DNAJC2: variants seen among roughly 807,000 people sequenced by gnomAD.
DNAJC2 encodes the protein DnaJ heat shock protein family (Hsp40) member C2.
DNAJC2 carries 32 observed loss-of-function variants against 94.0 expected under a neutral mutation model. That is an observed-to-expected ratio of 0.34 (90% CI 0.26 to 0.46). The LOEUF (loss-of-function observed/expected upper bound fraction) is 0.46. Ranked by LOEUF, DNAJC2 falls within the 20% of genes least tolerant of loss-of-function variation. The pLI is 1.00. For missense variants in DNAJC2, 550 were observed against 719.5 expected (o/e 0.76, Z 2.69); for synonymous variants, 210 against 229.7 (o/e 0.91, Z 0.77).
At chr7:103,344,023 C>A (rs1819495905) in intron 1 of DNAJC2, among the ~76,000 whole-genome samples, 1 of 152,366 alleles carries the variant, frequency 6.6e-6, no homozygotes, top group East Asian at 1.9e-4. Flanking sequence ...ACAAGTTTCA[C>A]TTGTAATAAC....
chr7:103,342,709 A>G (rs1470298129), intron 1 of DNAJC2, among the ~76,000 whole-genome samples: 1 of 151,712 alleles, frequency 6.6e-6, no homozygotes, highest in African/African-American at 2.4e-5. Flanking sequence ...CCCGGGTTCA[A>G]GCGATTCTCC....
intron 2 of DNAJC2, among the ~76,000 whole-genome samples, chr7:103,338,264 T>C (rs1364560402): frequency 7.2e-6 from 1 of 138,492 alleles, no homozygotes; most frequent in East Asian, 2.0e-4. Flanking sequence ...AGCAAGACCC[T>C]GTCTTTTTTT....
At chr7:103,337,562 C>A (rs1819222467) in intron 3 of DNAJC2, 174 bp downstream of exon 3, 1 of 561,528 alleles carries the variant, frequency 1.8e-6, no homozygotes, top group Non-Finnish European at 3.1e-6. Context: ...GGATTGCTTT[C>A]TTCTGATTCT....
At chr7:103,338,621 G>A (rs1417090610) in intron 2 of DNAJC2, among the ~76,000 whole-genome samples, 1 of 151,858 alleles carries the variant, frequency 6.6e-6, no homozygotes, top group African/African-American at 2.4e-5. Context: ...TTAAAAAAAA[G>A]AAGAGACAGG....
chr7:103,321,835 G>C (rs1042787668), intron 10 of DNAJC2, 97 bp downstream of exon 10: 2 of 1,399,870 alleles, frequency 1.4e-6, no homozygotes, highest in Non-Finnish European at 2.0e-6. Flanking sequence ...GCGACAGAGC[G>C]AGACCCCATC....
chr7:103,333,791 C>T (rs923123658), intron 3 of DNAJC2, among the ~76,000 whole-genome samples: 1 of 152,138 alleles, frequency 6.6e-6, no homozygotes, highest in Non-Finnish European at 1.5e-5. Context: ...GTTTGAGATT[C>T]ATCCATGTTT....
At chr7:103,338,983 T>G (rs1819281028) in intron 2 of DNAJC2, among the ~76,000 whole-genome samples, 1 of 152,134 alleles carries the variant, frequency 6.6e-6, no homozygotes, top group Non-Finnish European at 1.5e-5. Context: ...CTTGATGATT[T>G]GTATGCACAA....
At position 103,321,867 on chromosome 7, in the gene DNAJC2, G is replaced by C. The variant is rs76053201; in HGVS notation, c.1083+65C>G. On this transcript the variant is annotated intron_variant, in intron 10 of 16. Transcript: ENST00000379263. ...CATCTAAAAAACAAACAAACAAAAA[G>C]AAGTATTTTTGCTTAATAAGCAACT... The C allele has an allele frequency of 5.0e-3, 7,609 of 1,523,974 alleles. 315 individuals carry two copies. The African/African-American group carries it at 0.089, about 18-fold the overall frequency. 94.4% of individuals were successfully genotyped at this position (1,523,974 alleles called of 1,614,324 possible). A position where few individuals can be genotyped will look rare whatever the true frequency, so the allele number is the denominator to read the frequency against.
chr7:103,317,091 T>C, intron 12 of DNAJC2, 77 bp from the exon 13 acceptor site: 1 of 1,296,040 alleles, frequency 7.7e-7, no homozygotes, highest in Admixed American at 2.0e-5. Context: ...GCTAGGGCTT[T>C]GTGGTCCTCA....
intron 5 of DNAJC2, among the ~76,000 whole-genome samples, chr7:103,326,081 C>G (rs916390404): frequency 6.6e-6 from 1 of 152,034 alleles, no homozygotes; most frequent in Non-Finnish European, 1.5e-5. Flanking sequence ...TGGGTTCAAG[C>G]AAAACTCCCG....
At chr7:103,325,255 C>T (rs1201759716) in intron 5 of DNAJC2, among the ~76,000 whole-genome samples, 1 of 152,102 alleles carries the variant, frequency 6.6e-6, no homozygotes, top group Non-Finnish European at 1.5e-5. Context: ...ACCAGTCTGG[C>T]CAATATGGTG....
At chr7:103,322,859 AT>A in intron 7 of DNAJC2, 65 bp from the exon 8 acceptor site, 2 of 1,204,654 alleles carry the variant, frequency 1.7e-6, no homozygotes, top group Non-Finnish European at 2.4e-6. Flanking sequence ...AAAATGCAAT[AT>A]TTTATAAAAT....
chr7:103,328,070 G>A (rs753362093), intron 3 of DNAJC2, among the ~76,000 whole-genome samples: 25 of 151,856 alleles, frequency 1.6e-4, no homozygotes, highest in Non-Finnish European at 3.5e-4. Flanking sequence ...ACAGGTGCCC[G>A]CCACCATGCC....
chr7:103,332,008 T>G (rs1408742313), intron 3 of DNAJC2, among the ~76,000 whole-genome samples: 1 of 2,132 alleles, frequency 4.7e-4, no homozygotes, highest in Middle Eastern at 0.17. Flanking sequence ...AAATTTGCTA[T>G]TTTTTTTTTT....
chr7:103,322,379 G>A (rs1339127426), intron 9 of DNAJC2, 132 bp downstream of exon 9: 5 of 981,876 alleles, frequency 5.1e-6, no homozygotes, highest in East Asian at 5.3e-5. Context: ...AACTGGTCAT[G>A]ATTCATTCAC....
Position 103,326,761 on chromosome 7 carries a change from C to T in DNAJC2, c.431-77G>A, listed in dbSNP as rs1463135231. 8 of 1,389,276 alleles carry T rather than the reference C, an allele frequency of 5.8e-6. No homozygotes were observed. In the African/African-American group the frequency reaches 8.8e-5, roughly 15 times the overall value. 86.1% of individuals were successfully genotyped at this position (1,389,276 alleles called of 1,614,324 possible). On this transcript the variant is annotated intron_variant, in intron 4 of 16. Transcript: ENST00000379263. ...CTGCAAGAAAACAAGTATTTCCCTC[C>T]TTAAAACATAGAAGTCATTAATTTT...
rs532812909 is a variant in DNAJC2 at position 103,325,531 on chromosome 7, A to C, written c.573-969T>G. Among the ~76,000 whole-genome samples the C allele has an allele frequency of 9.8e-5, 15 of 152,342 alleles. 1 individual carries two copies. The South Asian group carries it at 1.9e-3, about 19-fold the overall frequency. On this transcript the variant is annotated intron_variant, in intron 5 of 16. Transcript: ENST00000379263. ...CTAGGTGGCGCCAAACCGCTAATCA[A>C]AGTGGTTCTCAAATTTGGCTGCACA...
rs955036038 is a variant in DNAJC2 at position 103,324,612 on chromosome 7, A to G, written c.573-50T>C. On this transcript the variant is annotated intron_variant, in intron 5 of 16. Transcript: ENST00000379263. ...TACAATTCTTCAAAAATTATGTACA[A>G]CAGTTCAACAAACAATTTAATTTAT... 9.1e-6 allele frequency: 12 copies of G among 1,324,038 alleles called. No homozygotes were observed. In the East Asian group the frequency reaches 3.2e-4, roughly 36 times the overall value. The allele number at this position is 1,324,038 out of a possible 1,614,324, so 82.0% of individuals were successfully genotyped here.
At chr7:103,342,481 T>G (rs1156392970) in intron 1 of DNAJC2, among the ~76,000 whole-genome samples, 1 of 151,324 alleles carries the variant, frequency 6.6e-6, no homozygotes. Context: ...AATTTTGTAT[T>G]TTTAGTAGAG....
Sources: allele counts gnomAD v4.1 joint callset (sites outside exome capture counted in the v4.1 genomes callset), GRCh38; gene constraint gnomAD v4.1.1; transcripts MANE v1.5; gene names NCBI Gene and HGNC (gene_info 2026-07-23, HGNC 2026-07-21).